Variants in LRTM1 observed in about 807,000 individuals in gnomAD.
LRTM1 encodes the protein leucine rich repeat transmembrane protein 1.
In LRTM1, 38 loss-of-function variants were observed where a neutral mutation model predicts 32.4. The observed-to-expected ratio is 1.17, with a 90% CI of 0.91 to 1.54. The LOEUF (loss-of-function observed/expected upper bound fraction) is 1.54. LRTM1 is among the 40% of genes most tolerant of loss of function. The pLI is 0.00. For synonymous variants in LRTM1, 186 were observed against 169.9 expected (o/e 1.09, Z -0.74); for missense variants, 466 against 415.4 (o/e 1.12, Z -1.06).
intron 1 of LRTM1, among the ~76,000 whole-genome samples, chr3:54,936,905 C>T (rs1208977383): frequency 6.6e-6 from 1 of 152,112 alleles, no homozygotes; most frequent in Non-Finnish European, 1.5e-5. Context: ...AGAAAATAAA[C>T]TCCGTGTATG....
At chr3:54,949,292 A>G (rs1701696195) in intron 1 of LRTM1, among the ~76,000 whole-genome samples, 1 of 152,186 alleles carries the variant, frequency 6.6e-6, no homozygotes, top group Admixed American at 6.5e-5. Context: ...AATTGGAGTC[A>G]TGACAGCTCC....
chr3:54,923,431 G>A (rs986443484), intron 2 of LRTM1, among the ~76,000 whole-genome samples: 5 of 152,044 alleles, frequency 3.3e-5, no homozygotes, highest in African/African-American at 1.2e-4. Flanking sequence ...GCTCAGCCAT[G>A]TCACCTCCTT....
At chr3:54,942,115 T>G (rs1701485290) in intron 1 of LRTM1, among the ~76,000 whole-genome samples, 1 of 152,232 alleles carries the variant, frequency 6.6e-6, no homozygotes, top group African/African-American at 2.4e-5. Context: ...AGCCTGGCAA[T>G]CCTTTGTTAC....
upstream of LRTM1, among the ~76,000 whole-genome samples, chr3:54,930,632 C>T (rs1316088256): frequency 1.3e-5 from 2 of 152,246 alleles, no homozygotes; most frequent in African/African-American, 4.8e-5. Context: ...TGAAGAAGCA[C>T]ACTTTCATGC....
At chr3:54,954,390 T>G (rs969807795) in intron 1 of LRTM1, among the ~76,000 whole-genome samples, 1 of 152,214 alleles carries the variant, frequency 6.6e-6, no homozygotes, top group Admixed American at 6.5e-5. Context: ...TGCTTTCACA[T>G]TCTTCCCAGC....
At chr3:54,946,318 C>G (rs1701613101) in intron 1 of LRTM1, among the ~76,000 whole-genome samples, 1 of 152,298 alleles carries the variant, frequency 6.6e-6, no homozygotes, top group East Asian at 1.9e-4. Context: ...CTGTACATGT[C>G]TTCAGACCAC....
At chr3:54,920,835 C>A (rs1030060291) in intron 2 of LRTM1, among the ~76,000 whole-genome samples, 12 of 152,184 alleles carry the variant, frequency 7.9e-5, no homozygotes, top group African/African-American at 2.9e-4. Flanking sequence ...TTTACCCAAT[C>A]ACCCCAGACT....
rs867274375 is a variant in LRTM1, at chr3:54,918,608, C to A, written c.889G>T (p.Gly297Trp). 1 of 1,614,148 alleles carries A rather than the reference C, an allele frequency of 6.2e-7. No individual in the cohort carries two copies. Among genetic ancestry groups the A allele is most frequent in the South Asian group, 1.1e-5 (1 of 91,078 alleles). The change falls in exon 3 of 3, where the codon GGG (glycine) becomes TGG (tryptophan). Residue 297 changes from glycine to tryptophan, a missense_variant. Gly to Trp is a radical substitution (Grantham distance 184, BLOSUM62 -2). Coordinates refer to ENST00000273286, the MANE Select transcript of LRTM1 (RefSeq NM_020678.4). Reference protein sequence around the residue: ...ATVIITGVVCGIVCLMMLAAA... With the variant: ...ATVIITGVVCWIVCLMMLAAA... Reference sequence around the variant, plus strand: ...GCCAACATCATGAGACACACAATCCCACACACAACGCCAGTGATGATGACA... The same window carrying A: ...GCCAACATCATGAGACACACAATCCAACACACAACGCCAGTGATGATGACA...
chr3:54,945,625 C>T (rs1701593527), intron 1 of LRTM1, among the ~76,000 whole-genome samples: 1 of 152,218 alleles, frequency 6.6e-6, no homozygotes, highest in South Asian at 2.1e-4. Flanking sequence ...CAGTGCCTCT[C>T]AGCCCACCCA....
At chr3:54,956,378 C>T (rs1701893165) in intron 1 of LRTM1, among the ~76,000 whole-genome samples, 3 of 152,330 alleles carry the variant, frequency 2.0e-5, no homozygotes, top group East Asian at 1.9e-4. Context: ...ACCAAGGGGA[C>T]AATTTTGCTG....
chr3:54,926,257 A>G (rs1701014525), intron 1 of LRTM1, among the ~76,000 whole-genome samples: 1 of 152,192 alleles, frequency 6.6e-6, no homozygotes, highest in Non-Finnish European at 1.5e-5. Context: ...TATGTATATT[A>G]ATTAATCCTC....
chr3:54,933,986 G>A (rs1024587626), intron 1 of LRTM1, among the ~76,000 whole-genome samples: 15 of 152,244 alleles, frequency 9.9e-5, no homozygotes, highest in African/African-American at 3.6e-4. Flanking sequence ...GGTCAGGCTG[G>A]TCTCTAACTC....
upstream of LRTM1, among the ~76,000 whole-genome samples, chr3:54,932,592 G>A (rs1701216289): frequency 6.6e-6 from 1 of 152,160 alleles, no homozygotes; most frequent in African/African-American, 2.4e-5. Context: ...TGTAAATATA[G>A]CATGCCTAGA....
chr3:54,937,812 A>G (rs1701368127), intron 1 of LRTM1, among the ~76,000 whole-genome samples: 2 of 152,228 alleles, frequency 1.3e-5, no homozygotes, highest in African/African-American at 2.4e-5. Flanking sequence ...AGGGACTAGC[A>G]GAAGGCGGGC....
At chr3:54,928,375 T>A (rs1259722709), upstream of LRTM1, among the ~76,000 whole-genome samples, 1 of 152,170 alleles carries the variant, frequency 6.6e-6, no homozygotes, top group Non-Finnish European at 1.5e-5. Context: ...CTGAATTCTG[T>A]TGACTTATTA....
intron 1 of LRTM1, among the ~76,000 whole-genome samples, chr3:54,926,575 T>TA (rs1701028354): frequency 6.6e-6 from 1 of 151,774 alleles, no homozygotes; most frequent in Non-Finnish European, 1.5e-5. Flanking sequence ...TAACACTTTT[T>TA]AAAAATCCAG....
intron 1 of LRTM1, among the ~76,000 whole-genome samples, chr3:54,958,539 C>T (rs1439745843): frequency 6.6e-6 from 1 of 152,130 alleles, no homozygotes; most frequent in Non-Finnish European, 1.5e-5. Flanking sequence ...GGCAGGTCTT[C>T]CAATGTGGGG....
chr3:54,961,794 ATCT>A (rs927636758), intron 1 of LRTM1, among the ~76,000 whole-genome samples: 81 of 152,322 alleles, frequency 5.3e-4, no homozygotes, highest in African/African-American at 1.9e-3. Flanking sequence ...GTGACAGGAC[ATCT>A]TCTGTTTTCT....
rs1700713563 is a variant in LRTM1 at position 54,918,316 on chromosome 3, C to G, written c.*143G>C. On this transcript the variant is annotated 3_prime_UTR_variant, in exon 3 of 3. Coordinates refer to ENST00000273286, the MANE Select transcript of LRTM1 (RefSeq NM_020678.4). ...CCTCCCCAGAAATATTTTTTACAGACACATCTTTTTTTTTTCTTTTTTTTT... is the reference window on the plus strand; with the variant it reads ...CCTCCCCAGAAATATTTTTTACAGAGACATCTTTTTTTTTTCTTTTTTTTT... The G allele has an allele frequency of 2.6e-6, 2 of 759,894 alleles. No homozygotes were observed. The highest frequency in any genetic ancestry group is 4.1e-6 in the Non-Finnish European group (2 of 488,154). The allele number at this position is 759,894 out of a possible 1,614,324, so 47.1% of individuals were successfully genotyped here.
Sources: gnomAD v4.1 joint callset for allele counts (sites outside exome capture counted in the v4.1 genomes callset) on GRCh38, gnomAD v4.1.1 for gene constraint, MANE v1.5 for transcripts, NCBI Gene and HGNC (gene_info 2026-07-23, HGNC 2026-07-21) for gene names.